ZFR: variants seen among roughly 807,000 people sequenced by gnomAD.
The protein encoded by ZFR is zinc finger RNA-binding protein.
Under a neutral mutation model 130.7 loss-of-function variants are expected in ZFR, and 19 were observed. The ratio of observed to expected loss-of-function variants is 0.15; its 90% CI spans 0.10 to 0.21. ZFR has a LOEUF of 0.21. Among genes scored for constraint, ZFR ranks in the 10% least tolerant of loss-of-function variants. ZFR has a pLI of 1.00. For synonymous variants in ZFR, 466 were observed against 456.9 expected, an observed-to-expected ratio of 1.02 and a Z score of -0.25; for missense variants, 872 against 1,321.5, an observed-to-expected ratio of 0.66 and a Z score of 5.27.
chr5:32,434,161 G>A (rs1266744202), intron 2 of ZFR, among the ~76,000 whole-genome samples: 1 of 152,196 alleles, frequency 6.6e-6, no homozygotes, highest in Non-Finnish European at 1.5e-5. Flanking sequence ...ATTATAAAAC[G>A]AAGTCCCTTC....
Position 32,400,404 on chromosome 5 carries a change from CT to C in ZFR, c.1517-202del, listed in dbSNP as rs1753423552. ...GTGAAATACGTTTCTGAATTTTTCT[CT>C]TTTCCATCTTGGAACACCCAACACC... On this transcript the variant is annotated intron_variant, in intron 8 of 19. Coordinates refer to ENST00000265069, the MANE Select transcript of ZFR (RefSeq NM_016107.5). Among the ~76,000 whole-genome samples, 6 of 152,206 alleles carry C rather than the reference CT, an allele frequency of 3.9e-5. 1 individual carries two copies. In the South Asian group the frequency reaches 1.2e-3, roughly 32 times the overall value.
At chr5:32,365,857 C>T (rs1430752572) in intron 17 of ZFR, among the ~76,000 whole-genome samples, 2 of 152,156 alleles carry the variant, frequency 1.3e-5, no homozygotes, top group Non-Finnish European at 2.9e-5. Context: ...GCCTTGGCCT[C>T]CCAAAGCCTT....
intron 3 of ZFR, among the ~76,000 whole-genome samples, chr5:32,419,194 C>T (rs1455595535): frequency 6.6e-6 from 1 of 152,094 alleles, no homozygotes; most frequent in Admixed American, 6.6e-5. Flanking sequence ...TCAGTTAAAA[C>T]AATAACAAAC....
At chr5:32,414,149 T>C (rs1271007439) in intron 5 of ZFR, among the ~76,000 whole-genome samples, 3 of 152,172 alleles carry the variant, frequency 2.0e-5, no homozygotes, top group Non-Finnish European at 2.9e-5. Context: ...CTACTGACAT[T>C]TACCCCATGT....
chr5:32,399,261 T>A (rs912483978), intron 9 of ZFR, among the ~76,000 whole-genome samples: 1 of 144,554 alleles, frequency 6.9e-6, no homozygotes, highest in African/African-American at 2.5e-5. Flanking sequence ...GGTGGCAGAA[T>A]AAGACTCTGT....
At chr5:32,356,717 C>A (rs61201325) in intron 19 of ZFR, among the ~76,000 whole-genome samples, 6,568 of 152,180 alleles carry the variant, frequency 0.043, 151 homozygotes, top group Middle Eastern at 0.075. Context: ...CTGCGCCCGG[C>A]CTCCAAGTAT....
intron 19 of ZFR, among the ~76,000 whole-genome samples, chr5:32,356,317 T>C (rs375718813): frequency 6.6e-6 from 1 of 152,238 alleles, no homozygotes; most frequent in South Asian, 2.1e-4. Context: ...TGGTAGACAG[T>C]ATGTAACTTA....
At chr5:32,381,308 A>T (rs906995795) in intron 15 of ZFR, among the ~76,000 whole-genome samples, 2 of 152,226 alleles carry the variant, frequency 1.3e-5, no homozygotes, top group African/African-American at 4.8e-5. Flanking sequence ...ATCCATCTAA[A>T]CATCTGTAAA....
At chr5:32,407,830 C>T (rs1753609373) in intron 5 of ZFR, among the ~76,000 whole-genome samples, 1 of 152,108 alleles carries the variant, frequency 6.6e-6, no homozygotes, top group Non-Finnish European at 1.5e-5. Context: ...ATAATATATA[C>T]ATGTTGCTTA....
At chr5:32,414,896 G>T in intron 5 of ZFR, 73 bp downstream of exon 5, 2 of 1,338,118 alleles carry the variant, frequency 1.5e-6, no homozygotes, top group Non-Finnish European at 1.0e-6. Flanking sequence ...TAATTTCAAA[G>T]ACAATCAAGA....
At chr5:32,430,138 CAA>C (rs1438112219) in intron 2 of ZFR, among the ~76,000 whole-genome samples, 1 of 137,406 alleles carries the variant, frequency 7.3e-6, no homozygotes, top group East Asian at 2.1e-4. Flanking sequence ...CTAATATAAG[CAA>C]AAGTGTACAG....
At chr5:32,377,176 A>T (rs1345665201) in intron 17 of ZFR, among the ~76,000 whole-genome samples, 1 of 151,216 alleles carries the variant, frequency 6.6e-6, no homozygotes, top group Non-Finnish European at 1.5e-5. Context: ...AAAAAAAAAA[A>T]AAAAGTGGTA....
At position 32,417,736 on chromosome 5, in the gene ZFR, T is replaced by C. The variant is rs765409303; in HGVS notation, c.477A>G (p.Gln159=). 1.6e-5 allele frequency: 26 copies of C among 1,613,834 alleles called. No homozygotes were observed. Among genetic ancestry groups the C allele is most frequent in the South Asian group, 5.5e-5 (5 of 91,080 alleles). ...TAPAVAYDSK[Q]YYQQPTATAA... ...CAGTTGCTGTTGGTTGTTGGTAGTA[T>C]TGCTTACTATCATAAGCTACAGCAG... is the stretch of plus-strand genomic sequence containing the variant. Residue 159 remains glutamine, a synonymous_variant, in exon 4 of 20, where the codon CAA becomes CAG. Transcript: ENST00000265069.
chr5:32,390,111 C>T (rs568848462), intron 12 of ZFR, among the ~76,000 whole-genome samples, 164 bp downstream of exon 12: 5 of 152,284 alleles, frequency 3.3e-5, no homozygotes, highest in Admixed American at 2.0e-4. Context: ...GCCGAGATCA[C>T]GCCACTGCAC....
intron 11 of ZFR, among the ~76,000 whole-genome samples, chr5:32,390,861 G>A (rs1753152263): frequency 6.6e-6 from 1 of 152,210 alleles, no homozygotes; most frequent in South Asian, 2.1e-4. Flanking sequence ...AACAGTGCAA[G>A]GCAGTGATAA....
At chr5:32,357,756 CCTT>C (rs1168797617) in intron 19 of ZFR, among the ~76,000 whole-genome samples, 1 of 152,148 alleles carries the variant, frequency 6.6e-6, no homozygotes, top group Non-Finnish European at 1.5e-5. Context: ...ATGTGTGGCT[CCTT>C]AAGTCAGCTG....
chr5:32,415,259 A>G, intron 4 of ZFR, 72 bp from the exon 5 acceptor site: 1 of 1,371,804 alleles, frequency 7.3e-7, no homozygotes, highest in South Asian at 1.3e-5. Flanking sequence ...TATCCTTAAA[A>G]AGCTGGAAAG....
chr5:32,417,340 T>C (rs1002993797), intron 4 of ZFR, among the ~76,000 whole-genome samples: 1 of 152,194 alleles, frequency 6.6e-6, no homozygotes, highest in Non-Finnish European at 1.5e-5. Flanking sequence ...GGCAGTATCA[T>C]ATGTTCTGGG....
intron 13 of ZFR, 50 bp from the exon 14 acceptor site, chr5:32,387,749 CATG>C (rs1753072618): frequency 6.5e-7 from 1 of 1,532,976 alleles, no homozygotes; most frequent in East Asian, 2.3e-5. Context: ...TAACCAGAAG[CATG>C]ATATTCTGTA....
Sources: gnomAD v4.1 joint callset for allele counts (sites outside exome capture counted in the v4.1 genomes callset) on GRCh38, gnomAD v4.1.1 for gene constraint, MANE v1.5 for transcripts, NCBI Gene and HGNC (gene_info 2026-07-23, HGNC 2026-07-21) for gene names.